C12orf42: variants seen among roughly 807,000 people sequenced by gnomAD.
C12orf42 encodes the protein uncharacterized protein C12orf42.
Under a neutral mutation model 21.6 loss-of-function variants are expected in C12orf42, and 25 were observed. The observed-to-expected ratio is 1.16, with a 90% CI of 0.84 to 1.62. The LOEUF is 1.62. C12orf42 is among the 40% of genes most tolerant of loss of function. C12orf42 has a pLI of 0.00. For missense variants in C12orf42, 483 were observed against 459.3 expected, an observed-to-expected ratio of 1.05 and a Z score of -0.47; for synonymous variants, 174 against 175.0, an observed-to-expected ratio of 0.99 and a Z score of 0.05.
intron 4 of C12orf42, among the ~76,000 whole-genome samples, chr12:103,279,280 G>C (rs1002819435): frequency 6.6e-6 from 1 of 152,110 alleles, no homozygotes; most frequent in African/African-American, 2.4e-5. Flanking sequence ...GGAGGTGATG[G>C]ATGTTTATTA....
chr12:103,081,673 G>A, the C12orf42 span: 5 of 152,188 alleles, frequency 3.3e-5, no homozygotes, highest in South Asian at 2.1e-4. Context: ...TCTCTATTCC[G>A]AAGGCATTAT....
At chr12:103,170,763 G>A in the C12orf42 span, among the ~76,000 whole-genome samples, 1 of 152,100 alleles carries the variant, frequency 6.6e-6, no homozygotes, top group Non-Finnish European at 1.5e-5. Flanking sequence ...TTCAGTGTAT[G>A]CTACTGCTTT....
chr12:103,375,860 G>A (rs775464164), intron 3 of C12orf42, among the ~76,000 whole-genome samples: 7 of 152,152 alleles, frequency 4.6e-5, no homozygotes, highest in Non-Finnish European at 4.4e-5. Flanking sequence ...AAGGTCAAAG[G>A]CTGTCAGCCA....
At chr12:103,555,406 G>GC in the C12orf42 span, among the ~76,000 whole-genome samples, 1 of 152,004 alleles carries the variant, frequency 6.6e-6, no homozygotes, top group African/African-American at 2.4e-5. Flanking sequence ...GGAAAGACCT[G>GC]CCCCCATGAT....
intron 2 of C12orf42, among the ~76,000 whole-genome samples, chr12:103,404,441 C>T (rs955105703): frequency 6.6e-6 from 1 of 152,192 alleles, no homozygotes; most frequent in Non-Finnish European, 1.5e-5. Flanking sequence ...ATTAGGCATT[C>T]ATTAACAATC....
chr12:103,560,236 T>C, the C12orf42 span, among the ~76,000 whole-genome samples: 1 of 152,144 alleles, frequency 6.6e-6, no homozygotes, highest in Non-Finnish European at 1.5e-5. Context: ...AGAGCAAAGA[T>C]TACAATTCTG....
intron 4 of C12orf42, among the ~76,000 whole-genome samples, chr12:103,288,035 G>T (rs1309092406): frequency 6.6e-6 from 1 of 152,174 alleles, no homozygotes; most frequent in Non-Finnish European, 1.5e-5. Context: ...TCTTTGAGAA[G>T]ACTTTGTTCA....
intron 3 of C12orf42, among the ~76,000 whole-genome samples, chr12:103,375,301 A>C (rs1441023606): frequency 6.6e-6 from 1 of 152,224 alleles, no homozygotes; most frequent in African/African-American, 2.4e-5. Context: ...TTATTCTGTA[A>C]GAATCTTCAG....
chr12:103,558,404 G>A, the C12orf42 span: 1 of 152,172 alleles, frequency 6.6e-6, no homozygotes, highest in Non-Finnish European at 1.5e-5. Flanking sequence ...GAACCTTAAT[G>A]TCCTCTCTGT....
At chr12:103,495,603 G>A (rs949584984) in intron 1 of C12orf42, among the ~76,000 whole-genome samples, 49 of 152,008 alleles carry the variant, frequency 3.2e-4, no homozygotes, top group African/African-American at 1.1e-3. Flanking sequence ...CCGGGGCAAC[G>A]GGGGGCGGGG....
At chr12:103,486,155 C>T (rs986195898) in intron 1 of C12orf42, among the ~76,000 whole-genome samples, 2 of 152,122 alleles carry the variant, frequency 1.3e-5, no homozygotes, top group East Asian at 3.8e-4. Context: ...CCATTAATAC[C>T]TAGTTTATTG....
chr12:103,383,224 C>G (rs2046332467), intron 3 of C12orf42, among the ~76,000 whole-genome samples: 1 of 151,896 alleles, frequency 6.6e-6, no homozygotes, highest in African/African-American at 2.4e-5. Context: ...GCCTCAGCCA[C>G]TCGAGTAGCT....
At chr12:103,048,158 C>T in the C12orf42 span, among the ~76,000 whole-genome samples, 5 of 149,604 alleles carry the variant, frequency 3.3e-5, no homozygotes, top group Admixed American at 6.7e-5. Flanking sequence ...GAGATGAGGC[C>T]GTGAGAATGG....
At position 103,401,085 on chromosome 12, in the gene C12orf42, C is replaced by T. The variant is rs191731601; in HGVS notation, c.147+522G>A. ...ATGGTGACCATCTCCATGTTCACAT[C>T]GTAGTCATTCATAGTCATGCATATG... On this transcript the variant is annotated intron_variant, in intron 3 of 5. Transcript: ENST00000548883. Among the ~76,000 whole-genome samples the T allele has an allele frequency of 2.0e-3, 310 of 152,242 alleles. 4 individuals carry two copies. The highest frequency in any genetic ancestry group is 7.0e-3 in the African/African-American group (292 of 41,530).
intron 4 of C12orf42, among the ~76,000 whole-genome samples, chr12:103,295,771 ACT>A (rs1390428299): frequency 1.3e-5 from 2 of 151,942 alleles, no homozygotes; most frequent in African/African-American, 4.8e-5. Context: ...TTTGGATACC[ACT>A]CTTACTTTTC....
At chr12:103,268,044 C>G (rs114929654), downstream of C12orf42, 1 of 152,074 alleles carries the variant, frequency 6.6e-6, no homozygotes, top group Non-Finnish European at 1.5e-5. Context: ...AATACACCTT[C>G]CTCTTTGTTT....
chr12:103,372,620 C>T (rs964174388), intron 3 of C12orf42, among the ~76,000 whole-genome samples: 2 of 152,078 alleles, frequency 1.3e-5, no homozygotes, highest in African/African-American at 4.8e-5. Flanking sequence ...ACCTAAAGAA[C>T]CAAACACAAA....
the C12orf42 span, among the ~76,000 whole-genome samples, chr12:103,147,588 G>T: frequency 2.1e-5 from 2 of 97,320 alleles, no homozygotes; most frequent in Admixed American, 1.3e-4. Context: ...AGAATTGAAT[G>T]TGACCCACAG....
At chr12:103,221,453 T>C in the C12orf42 span, among the ~76,000 whole-genome samples, 2 of 152,350 alleles carry the variant, frequency 1.3e-5, no homozygotes, top group Admixed American at 6.5e-5. Flanking sequence ...GAGCCTTCTA[T>C]TGCATTCACT....
Sources: allele counts gnomAD v4.1 joint callset (sites outside exome capture counted in the v4.1 genomes callset), GRCh38; gene constraint gnomAD v4.1.1; transcripts MANE v1.5; gene names NCBI Gene and HGNC (gene_info 2026-07-23, HGNC 2026-07-21).